Variants in ADAMTSL3 observed in about 807,000 individuals in gnomAD.
The protein encoded by ADAMTSL3 is ADAMTS-like protein 3.
A neutral mutation model predicts 201.7 loss-of-function variants in ADAMTSL3; 128 were observed. That is an observed-to-expected ratio of 0.63 (90% CI 0.55 to 0.73). ADAMTSL3 has a LOEUF of 0.73. Among genes scored for constraint, ADAMTSL3 ranks in the 30% least tolerant of loss-of-function variants. The pLI is 0.00. For missense variants in ADAMTSL3, 1,990 were observed against 2,119.6 expected, an observed-to-expected ratio of 0.94 and a Z score of 1.20; for synonymous variants, 738 against 748.4, an observed-to-expected ratio of 0.99 and a Z score of 0.23.
At chr15:83,904,238 A>G (rs1445609941) in intron 15 of ADAMTSL3, among the ~76,000 whole-genome samples, 2 of 151,588 alleles carry the variant, frequency 1.3e-5, no homozygotes, top group African/African-American at 2.4e-5. Context: ...CATAATTCAC[A>G]CTGCCTGGCA....
rs150539181 is a variant in ADAMTSL3 at position 83,803,613 on chromosome 15, A to G, written c.318-1037A>G. On this transcript the variant is annotated intron_variant, in intron 4 of 29. Transcript: ENST00000286744. ...CAGATATTTTTAAGGAGTTTATGTA[A>G]AATATAGACAGACAAGCACTGGACT... Among the ~76,000 whole-genome samples, 176 of 152,234 alleles carry G rather than the reference A, an allele frequency of 1.2e-3. 2 individuals carry two copies. Among genetic ancestry groups the G allele is most frequent in the African/African-American group, 4.2e-3 (173 of 41,546 alleles).
intron 2 of ADAMTSL3, among the ~76,000 whole-genome samples, chr15:83,687,951 A>G (rs1215251936): frequency 6.6e-6 from 1 of 152,222 alleles, no homozygotes; most frequent in Non-Finnish European, 1.5e-5. Context: ...GAGTTGAAGG[A>G]AAGCCAAGTG....
At chr15:83,824,417 C>G (rs1180839719) in intron 6 of ADAMTSL3, among the ~76,000 whole-genome samples, 1 of 152,154 alleles carries the variant, frequency 6.6e-6, no homozygotes, top group Admixed American at 6.5e-5. Context: ...ACAGCCTCCC[C>G]TACTATCAAC....
At chr15:83,995,652 T>C (rs1018708277) in intron 23 of ADAMTSL3, among the ~76,000 whole-genome samples, 10 of 152,182 alleles carry the variant, frequency 6.6e-5, no homozygotes, top group Non-Finnish European at 7.4e-5. Context: ...AAAAATTTCT[T>C]CTTATTTATA....
intron 7 of ADAMTSL3, among the ~76,000 whole-genome samples, chr15:83,856,629 A>G (rs1197591849): frequency 6.6e-6 from 1 of 152,196 alleles, no homozygotes; most frequent in Non-Finnish European, 1.5e-5. Flanking sequence ...TAAATATTTT[A>G]GGTTTATTGA....
At position 83,902,172 on chromosome 15, in the gene ADAMTSL3, C is replaced by A. The variant is rs567544188; in HGVS notation, c.1700+2441C>A. Among the ~76,000 whole-genome samples the A allele has an allele frequency of 1.1e-3, 175 of 152,276 alleles. 1 individual carries two copies. In the Middle Eastern group the frequency reaches 0.017, roughly 15 times the overall value. On this transcript the variant is annotated intron_variant, in intron 15 of 29. Coordinates refer to ENST00000286744, the MANE Select transcript of ADAMTSL3 (RefSeq NM_207517.3). ...GTCCTGAAATCAGTTCCCAGGACACCTACAACAGCTTTCTAATTTGCTCCT... is the reference window on the plus strand; with the variant it reads ...GTCCTGAAATCAGTTCCCAGGACACATACAACAGCTTTCTAATTTGCTCCT...
chr15:83,870,716 T>C (rs984109554), intron 8 of ADAMTSL3, 86 bp from the exon 9 acceptor site: 2 of 1,126,288 alleles, frequency 1.8e-6, no homozygotes, highest in Non-Finnish European at 2.5e-6. Flanking sequence ...TGATATCATA[T>C]ACTGACATTG....
At chr15:83,822,950 C>G (rs962810293) in intron 6 of ADAMTSL3, among the ~76,000 whole-genome samples, 1 of 152,028 alleles carries the variant, frequency 6.6e-6, no homozygotes, top group African/African-American at 2.4e-5. Flanking sequence ...CCCGGCACCT[C>G]GGGAGGCGGA....
intron 5 of ADAMTSL3, among the ~76,000 whole-genome samples, chr15:83,805,980 T>TG (rs1262338677): frequency 6.6e-6 from 1 of 152,204 alleles, no homozygotes; most frequent in Non-Finnish European, 1.5e-5. Flanking sequence ...GGGAGCTGCC[T>TG]GGAGTTCCCA....
intron 3 of ADAMTSL3, among the ~76,000 whole-genome samples, chr15:83,735,062 A>T (rs1472230060): frequency 6.6e-6 from 1 of 152,214 alleles, no homozygotes. Flanking sequence ...CAGCCTCACT[A>T]TGCAAATCTT....
intron 3 of ADAMTSL3, among the ~76,000 whole-genome samples, chr15:83,711,317 T>C (rs1040911581): frequency 5.3e-5 from 8 of 152,206 alleles, no homozygotes; most frequent in African/African-American, 1.9e-4. Context: ...TCGTTTTTAG[T>C]TGGAAAGTAT....
intron 10 of ADAMTSL3, among the ~76,000 whole-genome samples, chr15:83,886,107 A>G (rs1217740593): frequency 6.6e-6 from 1 of 152,234 alleles, no homozygotes. Flanking sequence ...CAAAAGCAGC[A>G]TCTTTCATGC....
intron 10 of ADAMTSL3, among the ~76,000 whole-genome samples, chr15:83,888,288 G>C (rs922055154): frequency 6.6e-6 from 1 of 152,136 alleles, no homozygotes; most frequent in African/African-American, 2.4e-5. Context: ...TTTGCTTTTT[G>C]CTATTTCTAA....
At chr15:83,825,397 G>C (rs946964584) in intron 6 of ADAMTSL3, among the ~76,000 whole-genome samples, 1 of 152,154 alleles carries the variant, frequency 6.6e-6, no homozygotes, top group Non-Finnish European at 1.5e-5. Flanking sequence ...AGTTCGTTAA[G>C]CCTAGGAGTT....
At chr15:83,899,763 GGGCATAGCC>G (rs761215407) in intron 15 of ADAMTSL3, 32 bp downstream of exon 15, 4 of 1,596,000 alleles carry the variant, frequency 2.5e-6, no homozygotes, top group Non-Finnish European at 3.4e-6. Context: ...GGAATAATCA[GGGCATAGCC>G]AGTTAACATG....
intron 3 of ADAMTSL3, among the ~76,000 whole-genome samples, chr15:83,728,633 A>G (rs985467220): frequency 6.6e-6 from 1 of 152,066 alleles, no homozygotes; most frequent in African/African-American, 2.4e-5. Context: ...GAAAACCAAC[A>G]TAAATTCTGC....
chr15:83,910,288 C>T (rs1270059530), intron 15 of ADAMTSL3, among the ~76,000 whole-genome samples: 1 of 151,456 alleles, frequency 6.6e-6, no homozygotes, highest in Non-Finnish European at 1.5e-5. Context: ...TTGTGTTTTG[C>T]CCAGACATGG....
In ADAMTSL3 at chr15:83,890,222, T is replaced by G; in HGVS notation, c.1186T>G (p.Cys396Gly). The G allele has an allele frequency of 6.2e-7, 1 of 1,613,918 alleles. No individual in the cohort carries two copies. Among genetic ancestry groups the G allele is most frequent in the Non-Finnish European group, 8.5e-7 (1 of 1,179,844 alleles). Residue 396 changes from cysteine to glycine, a missense_variant, in exon 11 of 30, where the codon TGC (cysteine) becomes GGC (glycine). Transcript: ENST00000286744. Reference protein sequence around the residue: ...NVKPKPKLKECSMDPCPSSDG... With the variant: ...NVKPKPKLKEGSMDPCPSSDG... ...AAAACCAAAACCAAAACTGAAGGAA[T>G]GCAGCATGGATCCCTGCCCATCAAG...
chr15:83,843,137 C>T (rs2064417371), intron 7 of ADAMTSL3, among the ~76,000 whole-genome samples: 2 of 152,098 alleles, frequency 1.3e-5, no homozygotes, highest in Non-Finnish European at 2.9e-5. Flanking sequence ...CAGGAAAATG[C>T]ATGTGTATTT....
Sources: gnomAD v4.1 joint callset for allele counts (sites outside exome capture counted in the v4.1 genomes callset) on GRCh38, gnomAD v4.1.1 for gene constraint, MANE v1.5 for transcripts, NCBI Gene and HGNC (gene_info 2026-07-23, HGNC 2026-07-21) for gene names.